The following ANP32B variants were observed in gnomAD, a reference collection of about 807,000 sequenced individuals.
The protein encoded by ANP32B is acidic nuclear phosphoprotein 32 family member B.
In ANP32B, 6 loss-of-function variants were observed where a neutral mutation model predicts 32.2. That is an observed-to-expected ratio of 0.19 (90% CI 0.10 to 0.37). The LOEUF (loss-of-function observed/expected upper bound fraction) is 0.37, where lower values mean the gene tolerates loss of function less well. Among genes scored for constraint, ANP32B ranks in the 10% least tolerant of loss-of-function variants. The probability of loss-of-function intolerance (pLI) is 1.00; values close to 1 mark genes in which losing one functional copy is unlikely to be tolerated. For synonymous variants in ANP32B, 98 were observed against 105.8 expected (o/e 0.93, Z 0.45); for missense variants, 204 against 289.2 (o/e 0.71, Z 2.14).
chr9:97,995,636 T>C (rs1449386158), intron 2 of ANP32B, among the ~76,000 whole-genome samples: 3 of 152,068 alleles, frequency 2.0e-5, no homozygotes, highest in Non-Finnish European at 4.4e-5. Context: ...GTATAATACA[T>C]GAGGCCAGTC....
intron 1 of ANP32B, chr9:97,987,543 T>C (rs1827757481): frequency 1.3e-5 from 2 of 152,232 alleles, no homozygotes; most frequent in South Asian, 2.1e-4. Flanking sequence ...GAGATTCTTA[T>C]CCTTCCAGTA....
rs1239317945 is a variant in ANP32B at position 98,015,820 on chromosome 9, T to C, written c.*389T>C. The C allele has an allele frequency of 1.0e-6, 1 of 980,092 alleles. No individual in the cohort carries two copies. Among genetic ancestry groups the C allele is most frequent in the African/African-American group, 1.8e-5 (1 of 56,934 alleles). The allele number at this position is 980,092 out of a possible 1,614,324, so 60.7% of individuals were successfully genotyped here. ...ATAAAATCTTAACATTTTGGGTCTG[T>C]TTTTTCATGCTTTGCTTTTTAATTA... On this transcript the variant is annotated 3_prime_UTR_variant, in exon 7 of 7. Transcript: ENST00000339399.
At chr9:97,997,368 T>C (rs1827922058) in intron 2 of ANP32B, among the ~76,000 whole-genome samples, 1 of 152,222 alleles carries the variant, frequency 6.6e-6, no homozygotes, top group African/African-American at 2.4e-5. Flanking sequence ...TCAGCAGATA[T>C]TTACATTTTT....
intron 2 of ANP32B, 42 bp from the exon 3 acceptor site, chr9:97,998,514 T>C (rs373300008): frequency 7.1e-6 from 11 of 1,555,808 alleles, no homozygotes; most frequent in Non-Finnish European, 9.5e-6. Context: ...TCTGTTTCTC[T>C]GTGTGTATTT....
chr9:97,991,526 G>T (rs1201492734), intron 1 of ANP32B, among the ~76,000 whole-genome samples: 1 of 152,090 alleles, frequency 6.6e-6, no homozygotes, highest in East Asian at 1.9e-4. Context: ...AAAAAAAATA[G>T]AAGATATCCT....
intron 3 of ANP32B, among the ~76,000 whole-genome samples, chr9:98,001,773 G>A (rs926835617): frequency 4.6e-5 from 7 of 151,922 alleles, no homozygotes; most frequent in African/African-American, 7.3e-5. Context: ...AGTAATCTTC[G>A]TTGTGTTCAC....
intron 1 of ANP32B, among the ~76,000 whole-genome samples, chr9:97,987,824 C>T (rs1827762344): frequency 6.6e-6 from 1 of 152,108 alleles, no homozygotes; most frequent in Admixed American, 6.5e-5. Context: ...ATCCGCACCC[C>T]CTCCCCAGCT....
At chr9:98,001,657 G>A (rs891342418) in intron 3 of ANP32B, among the ~76,000 whole-genome samples, 1 of 152,122 alleles carries the variant, frequency 6.6e-6, no homozygotes, top group Non-Finnish European at 1.5e-5. Flanking sequence ...CAAATACTGT[G>A]TGGGAGTTGT....
intron 1 of ANP32B, among the ~76,000 whole-genome samples, chr9:97,992,818 T>C (rs1408797028): frequency 6.6e-6 from 1 of 152,228 alleles, no homozygotes; most frequent in Non-Finnish European, 1.5e-5. Context: ...CACTGACATT[T>C]CCCATTCCCT....
intron 4 of ANP32B, among the ~76,000 whole-genome samples, chr9:98,008,621 T>C (rs1828128807): frequency 6.6e-6 from 1 of 152,174 alleles, no homozygotes; most frequent in South Asian, 2.1e-4. Context: ...CAATATCCTA[T>C]CTTTGTGAAG....
chr9:98,015,220 T>A, intron 6 of ANP32B, 144 bp from the exon 7 acceptor site: 2 of 1,190,764 alleles, frequency 1.7e-6, no homozygotes, highest in Non-Finnish European at 2.3e-6. Context: ...TTATACTTGC[T>A]ATTAGTCACC....
At chr9:98,000,608 G>C (rs1011081160) in intron 3 of ANP32B, among the ~76,000 whole-genome samples, 1 of 152,102 alleles carries the variant, frequency 6.6e-6, no homozygotes, top group African/African-American at 2.4e-5. Context: ...TTGCTCAGGA[G>C]AAATGGCAGA....
chr9:98,007,228 C>T (rs553571312), intron 4 of ANP32B, among the ~76,000 whole-genome samples: 50 of 152,196 alleles, frequency 3.3e-4, no homozygotes, highest in South Asian at 6.2e-4. Context: ...AAGTAAGAAG[C>T]CCTTTACTAT....
rs551418267 is a variant in ANP32B, at chr9:98,010,260, GTGTTTTTTTTTTTT to G, written c.518-996_518-983del. On this transcript the variant is annotated intron_variant, in intron 4 of 6. Coordinates refer to ENST00000339399, the MANE Select transcript of ANP32B (RefSeq NM_006401.3). ...CCCTCTTGGACCTTACAGAGAAATGGTGTTTTTTTTTTTTTGTTTTTTTTTTTTAAATCATAAAT... is the reference window on the plus strand; with the variant it reads ...CCCTCTTGGACCTTACAGAGAAATGGTGTTTTTTTTTTTTAAATCATAAAT... Among the ~76,000 whole-genome samples, 139 of 114,234 alleles carry G rather than the reference GTGTTTTTTTTTTTT, an allele frequency of 1.2e-3. 1 individual carries two copies. The highest frequency in any genetic ancestry group is 1.9e-3 in the Non-Finnish European group (99 of 52,344). 74.9% of individuals were successfully genotyped at this position (114,234 alleles called of 152,430 possible).
chr9:97,995,929 T>A (rs1217294311), intron 2 of ANP32B, among the ~76,000 whole-genome samples: 2 of 141,642 alleles, frequency 1.4e-5, no homozygotes, highest in African/African-American at 5.7e-5. Flanking sequence ...CTGTCTCGAT[T>A]TAAAAAAAAA....
chr9:97,994,692 C>A lies in ANP32B; in HGVS notation c.116C>A (p.Ala39Asp), dbSNP rs1358288838. Residue 39 changes from alanine to aspartate, a missense_variant, in exon 2 of 7, where the codon GCT (alanine) becomes GAT (aspartate). Physicochemically the swap from Ala to Asp is moderately radical, Grantham distance 126. Transcript: ENST00000339399. ...GATGGAAAAATTGAGGGCTTAACAG[C>A]TGAATTTGTGAACTTAGAGTTCCTC... is the stretch of plus-strand genomic sequence containing the variant. ...SNDGKIEGLT[A>D]EFVNLEFLSL... The A allele has an allele frequency of 6.2e-7, 1 of 1,612,408 alleles. No individual in the cohort carries two copies. The highest frequency in any genetic ancestry group is 1.7e-5 in the Admixed American group (1 of 59,592).
In ANP32B at chr9:97,983,497, T is replaced by C; in HGVS notation, c.-59T>C. ...CCCTCGCTGCGCAAGCCGGGACGCC[T>C]CTCCCCCCTCCGCCCCCGCCGCGGA... On this transcript the variant is annotated 5_prime_UTR_variant, in exon 1 of 7. Coordinates refer to ENST00000339399, the MANE Select transcript of ANP32B (RefSeq NM_006401.3). The C allele has an allele frequency of 2.0e-6, 3 of 1,464,498 alleles. No individual in the cohort carries two copies. Among genetic ancestry groups the C allele is most frequent in the African/African-American group, 1.4e-5 (1 of 69,330 alleles). 90.7% of individuals were successfully genotyped at this position (1,464,498 alleles called of 1,614,324 possible).
Position 98,015,447 on chromosome 9 carries a change from G to A in ANP32B, c.*16G>A. On this transcript the variant is annotated 3_prime_UTR_variant, in exon 7 of 7. Coordinates refer to ENST00000339399, the MANE Select transcript of ANP32B (RefSeq NM_006401.3). ...AGATGATTAAGACCCCAGATGACCT[G>A]CAGAAACAGAACTGTTCAGTATTGG... is the stretch of plus-strand genomic sequence containing the variant. The A allele has an allele frequency of 1.3e-6, 2 of 1,548,668 alleles. No individual in the cohort carries two copies. Among genetic ancestry groups the A allele is most frequent in the Middle Eastern group, 2.2e-4 (1 of 4,446 alleles).
intron 2 of ANP32B, 50 bp downstream of exon 2, chr9:97,994,830 A>C (rs1483005243): frequency 5.2e-6 from 8 of 1,531,642 alleles, no homozygotes; most frequent in Non-Finnish European, 6.2e-6. Flanking sequence ...GGGAAGGGAA[A>C]ATGTATGATT....
Sources: gnomAD v4.1 joint callset for allele counts (sites outside exome capture counted in the v4.1 genomes callset) on GRCh38, gnomAD v4.1.1 for gene constraint, MANE v1.5 for transcripts, NCBI Gene and HGNC (gene_info 2026-07-23, HGNC 2026-07-21) for gene names.